CDH3: variants seen among roughly 807,000 people sequenced by gnomAD.
CDH3 encodes the protein cadherin 3.
In CDH3, 54 loss-of-function variants were observed where a neutral mutation model predicts 82.0. The observed-to-expected ratio is 0.66, with a 90% CI of 0.53 to 0.83. The LOEUF (loss-of-function observed/expected upper bound fraction) is 0.83. CDH3 is among the 40% of genes least tolerant of loss of function. The probability of loss-of-function intolerance (pLI) is 0.00; values close to 1 mark genes in which losing one functional copy is unlikely to be tolerated. For synonymous variants in CDH3, 446 were observed against 437.9 expected, an observed-to-expected ratio of 1.02 and a Z score of -0.23; for missense variants, 1,054 against 1,084.6, an observed-to-expected ratio of 0.97 and a Z score of 0.40.
chr16:68,701,466 A>G (rs1961892387), downstream of CDH3, among the ~76,000 whole-genome samples: 2 of 152,072 alleles, frequency 1.3e-5, no homozygotes, highest in African/African-American at 4.8e-5. Context: ...GATGAGGACC[A>G]TCGGTCCTTT....
Position 68,691,759 on chromosome 16 carries a change from A to AG in CDH3, c.1837dup (p.Asp613GlyfsTer4), listed in dbSNP as rs1157340043. 2.5e-6 allele frequency: 4 copies of AG among 1,614,202 alleles called. No homozygotes were observed. The highest frequency in any genetic ancestry group is 3.4e-6 in the Non-Finnish European group (4 of 1,180,038). On this transcript the variant is annotated frameshift_variant, in exon 13 of 16. Transcript: ENST00000264012. LOFTEE classifies it high-confidence loss of function. ...TTGTCCCTGAAGAAGTTCCTGAAGC[A>AG]GGATACATATGACGTGCACCTTTCT...
chr16:68,698,343 G>A lies in CDH3; in HGVS notation c.2433G>A (p.Glu811=). The A allele has an allele frequency of 6.2e-7, 1 of 1,614,210 alleles. No individual in the cohort carries two copies. The highest frequency in any genetic ancestry group is 1.3e-5 in the African/African-American group (1 of 75,070). The change falls in exon 16 of 16, where the codon GAG becomes GAA. Residue 811 remains glutamate (E), a synonymous_variant. Transcript: ENST00000264012. The part of the protein sequence containing the change: ...DQDQDYDYLN[E]WGSRFKKLAD... ...ACCAAGATTACGATTATCTGAACGA[G>A]TGGGGCAGCCGCTTCAAGAAGCTGG...
intron 11 of CDH3, 72 bp from the exon 12 acceptor site, chr16:68,687,440 A>G: frequency 8.2e-7 from 1 of 1,226,446 alleles, no homozygotes; most frequent in Non-Finnish European, 1.2e-6. Flanking sequence ...GCTGGGCGGT[A>G]AACAGGAGGA....
intron 1 of CDH3, among the ~76,000 whole-genome samples, chr16:68,716,689 G>A (rs1962099333): frequency 6.6e-6 from 1 of 151,474 alleles, no homozygotes; most frequent in Non-Finnish European, 1.5e-5. Context: ...GGGAAGGAGG[G>A]TAGCACGGGA....
chr16:68,689,210 T>C (rs973353287), intron 12 of CDH3, among the ~76,000 whole-genome samples: 1 of 152,104 alleles, frequency 6.6e-6, no homozygotes, highest in Non-Finnish European at 1.5e-5. Flanking sequence ...AAAGCAATGG[T>C]GAGGATCAGG....
intron 2 of CDH3, among the ~76,000 whole-genome samples, chr16:68,665,591 GC>G (rs1273063508): frequency 6.6e-6 from 1 of 152,138 alleles, no homozygotes; most frequent in Admixed American, 6.5e-5. Context: ...AGGCTGCAGA[GC>G]CAGTACACAG....
Position 68,678,198 on chromosome 16 carries a change from G to T in CDH3, c.311G>T (p.Arg104Ile). Reference protein sequence around the residue: ...KIFPSKRILRRHKRDWVVAPI... With the variant: ...KIFPSKRILRIHKRDWVVAPI... ...TTCCCATCCAAACGTATCTTACGAAGACACAAGAGAGATTGGGTGGTTGCT... is the reference window on the plus strand; with the variant it reads ...TTCCCATCCAAACGTATCTTACGAATACACAAGAGAGATTGGGTGGTTGCT... The change falls in exon 4 of 16, where the codon AGA becomes ATA. Residue 104 changes from arginine to isoleucine, a missense_variant. By Grantham distance (97) the Arg-to-Ile change is moderately conservative. Coordinates refer to ENST00000264012, the MANE Select transcript of CDH3 (RefSeq NM_001793.6). The T allele has an allele frequency of 6.2e-7, 1 of 1,613,838 alleles. No homozygotes were observed. The highest frequency in any genetic ancestry group is 8.5e-7 in the Non-Finnish European group (1 of 1,179,716).
chr16:68,645,676 C>T lies in CDH3; in HGVS notation c.86C>T (p.Ala29Val). The change falls in exon 2 of 16, where the codon GCG (alanine) becomes GTG (valine). Residue 29 changes from alanine to valine, a missense_variant. Ala to Val is a moderately conservative substitution (Grantham distance 64). Coordinates refer to ENST00000264012, the MANE Select transcript of CDH3 (RefSeq NM_001793.6). Reference sequence around the variant, plus strand: ...TGCGCGGCCTCCGAGCCGTGCCGGGCGGTCTTCAGGGAGGCTGAAGTGACC... The same window carrying T: ...TGCGCGGCCTCCGAGCCGTGCCGGGTGGTCTTCAGGGAGGCTGAAGTGACC... ...LQCAASEPCRAVFREAEVTLE... is the reference protein window; with the variant it reads ...LQCAASEPCRVVFREAEVTLE... The T allele has an allele frequency of 6.5e-7, 1 of 1,545,154 alleles. No individual in the cohort carries two copies. Among genetic ancestry groups the T allele is most frequent in the South Asian group, 1.2e-5 (1 of 83,968 alleles).
intron 2 of CDH3, among the ~76,000 whole-genome samples, chr16:68,726,733 C>A (rs1415203538): frequency 3.3e-5 from 5 of 152,164 alleles, no homozygotes; most frequent in Middle Eastern, 3.4e-3. Flanking sequence ...CGCCCACCAC[C>A]ACGCCTGGCT....
chr16:68,690,404 T>C (rs1961530713), intron 12 of CDH3, among the ~76,000 whole-genome samples: 1 of 149,784 alleles, frequency 6.7e-6, no homozygotes, highest in African/African-American at 2.5e-5. Flanking sequence ...GCAGATCACC[T>C]GAGGTCAGGA....
chr16:68,653,480 G>A (rs907139459), intron 2 of CDH3, among the ~76,000 whole-genome samples: 23 of 152,006 alleles, frequency 1.5e-4, no homozygotes, highest in Non-Finnish European at 2.9e-4. Context: ...CAGGTGATCC[G>A]CCTACCTCGG....
intron 1 of CDH3, among the ~76,000 whole-genome samples, chr16:68,718,681 C>CA (rs1214971624): frequency 6.6e-6 from 1 of 151,486 alleles, no homozygotes; most frequent in South Asian, 2.1e-4. Flanking sequence ...GACTCTGTCT[C>CA]AAAAAAATAA....
chr16:68,705,909 C>G (rs139906849), intron 1 of CDH3, among the ~76,000 whole-genome samples: 2,280 of 151,510 alleles, frequency 0.015, 20 homozygotes, highest in South Asian at 0.027. Context: ...ACTAAAAATA[C>G]AAAACATTAG....
rs1314235938 is a variant in CDH3 at position 68,707,259 on chromosome 16, A to G, written c.99+11336A>G. ...GTTGAGATGGGTCGAGAGTGTGTGC[A>G]GAGATGAGGTTGGACAGGTAAGGAG... On this transcript the variant is annotated intron_variant, in intron 1 of 2. Transcript: ENST00000569080. This position sits in a 1 kb window ranked among gnomAD's most constrained non-coding sequence, Gnocchi z 4.5. Among the ~76,000 whole-genome samples, 1 of 152,196 alleles carries G rather than the reference A, an allele frequency of 6.6e-6. No homozygotes were observed. The highest frequency in any genetic ancestry group is 6.5e-5 in the Admixed American group (1 of 15,282).
chr16:68,680,398 G>A (rs1368181336), intron 7 of CDH3, among the ~76,000 whole-genome samples: 1 of 152,188 alleles, frequency 6.6e-6, no homozygotes, highest in Non-Finnish European at 1.5e-5. Flanking sequence ...TTTTTCTGAG[G>A]CCAGGCACAG....
chr16:68,690,096 C>T (rs944948372), intron 12 of CDH3, among the ~76,000 whole-genome samples: 3 of 152,190 alleles, frequency 2.0e-5, no homozygotes, highest in African/African-American at 4.8e-5. Flanking sequence ...CAGTCTCCCC[C>T]GAGTGGTGCC....
At chr16:68,719,502 CTTTTTTTTTTTT>C (rs71148939) in intron 1 of CDH3, among the ~76,000 whole-genome samples, 2 of 74,512 alleles carry the variant, frequency 2.7e-5, no homozygotes, top group Non-Finnish European at 4.7e-5. Flanking sequence ...TGGAACTGTT[CTTTTTTTTTTTT>C]TTTTTTTTTT....
At chr16:68,723,240 T>G (rs1962183652) in intron 2 of CDH3, among the ~76,000 whole-genome samples, 1 of 152,162 alleles carries the variant, frequency 6.6e-6, no homozygotes, top group African/African-American at 2.4e-5. Flanking sequence ...GCTTCCTGGC[T>G]TCCCTCTCAA....
chr16:68,651,161 G>A (rs1960230895), intron 2 of CDH3: 7 of 473,674 alleles, frequency 1.5e-5, no homozygotes, highest in East Asian at 5.4e-5. Flanking sequence ...TATATCTGCC[G>A]GCCCAGGCCA....
Sources: gnomAD v4.1 joint callset for allele counts (sites outside exome capture counted in the v4.1 genomes callset) on GRCh38, gnomAD v4.1.1 for gene constraint, Gnocchi (gnomAD v3.1) non-coding constraint, MANE v1.5 for transcripts, NCBI Gene and HGNC (gene_info 2026-07-23, HGNC 2026-07-21) for gene names.